The following NSMF variants were observed in gnomAD, a reference collection of about 807,000 sequenced individuals.
NSMF encodes nasal embryonic LHRH factor.
In NSMF, 31 loss-of-function variants were observed where a neutral mutation model predicts 71.0. The observed-to-expected ratio is 0.44, with a 90% CI of 0.33 to 0.59. The LOEUF (loss-of-function observed/expected upper bound fraction) is 0.59. Among genes scored for constraint, NSMF ranks in the 20% least tolerant of loss-of-function variants. The pLI is 0.04. For missense variants in NSMF, 673 were observed against 740.5 expected (o/e 0.91, Z 1.06); for synonymous variants, 345 against 287.1 (o/e 1.20, Z -2.04).
chr9:137,456,508 G>A lies in NSMF; in HGVS notation c.629-22C>T, dbSNP rs528113514. ...TCGTCTAAGAGAGACAAAAAGGAGC[G>A]GTGGCTGGGTGAAGTAGGGGTTCCT... On this transcript the variant is annotated intron_variant, in intron 3 of 15. Coordinates refer to ENST00000371475, the MANE Select transcript of NSMF (RefSeq NM_001130969.3). The A allele has an allele frequency of 8.4e-5, 129 of 1,539,442 alleles. 1 individual carries two copies. Among genetic ancestry groups the A allele is most frequent in the South Asian group, 7.2e-4 (64 of 89,466 alleles).
At position 137,457,994 on chromosome 9, in the gene NSMF, A is replaced by G. The variant is rs901051953; in HGVS notation, c.134-93T>C. ...CGAAGGCAGAGAACACCCAGTGGGC[A>G]CCTGGCCTCTGTGGGGGACTAGGGC... On this transcript the variant is annotated intron_variant, in intron 2 of 15. Coordinates refer to ENST00000371475, the MANE Select transcript of NSMF (RefSeq NM_001130969.3). 4.6e-6 allele frequency: 7 copies of G among 1,519,756 alleles called. No homozygotes were observed. In the African/African-American group the frequency reaches 9.6e-5, roughly 21 times the overall value. The allele number at this position is 1,519,756 out of a possible 1,614,324, so 94.1% of individuals were successfully genotyped here.
rs1399939611 is a variant in NSMF, at chr9:137,453,945, C to T, written c.833-125G>A. The stretch of plus-strand genomic sequence containing the variant: ...AAGCTAATGTGGGTGGGGTCTAAGG[C>T]ACATGAAGCAGACACGGACCAGAGG... On this transcript the variant is annotated intron_variant, in intron 7 of 15. Transcript: ENST00000371475. This position sits in a 1 kb window ranked among gnomAD's most constrained non-coding sequence, Gnocchi z 4.5. The T allele has an allele frequency of 4.1e-5, 32 of 777,472 alleles. No homozygotes were observed. In the East Asian group the frequency reaches 8.1e-4, roughly 20 times the overall value. The allele number at this position is 777,472 out of a possible 1,614,324, so 48.2% of individuals were successfully genotyped here. A position where few individuals can be genotyped will look rare whatever the true frequency, so the allele number is the denominator to read the frequency against.
In NSMF at chr9:137,457,534, G is replaced by A. The variant is rs776278488; in HGVS notation, c.501C>T (p.Cys167=). The change falls in exon 3 of 16, where the codon TGC becomes TGT. Residue 167 remains cysteine (C), a synonymous_variant. Transcript: ENST00000371475. ...CAGGAGCCAGCTGGGCACATCCGGG[G>A]CACTCCTTGGAGCCCTGGCGGCTGC... ...WAGSRQGSKE[C]PGCAQLAPGP... 2.5e-6 allele frequency: 4 copies of A among 1,605,204 alleles called. No individual in the cohort carries two copies. The South Asian group carries it at 3.3e-5, about 13-fold the overall frequency.
At chr9:137,455,687 A>T in intron 4 of NSMF, 53 bp from the exon 5 acceptor site, 2 of 1,548,636 alleles carry the variant, frequency 1.3e-6, no homozygotes, top group East Asian at 4.9e-5. Flanking sequence ...AGTGAGCTCA[A>T]CCCCGGGCCT....
chr9:137,457,623 G>A lies in NSMF; in HGVS notation c.412C>T (p.Pro138Ser). 1.3e-6 allele frequency: 2 copies of A among 1,550,704 alleles called. No homozygotes were observed. Among genetic ancestry groups the A allele is most frequent in the Non-Finnish European group, 1.7e-6 (2 of 1,147,094 alleles). Reference sequence around the variant, plus strand: ...CTGCCACCAGGGCTGGCGCGCAGGGGCTGGCTGTGATGGTGAGGGTGCCGC... The same window carrying A: ...CTGCCACCAGGGCTGGCGCGCAGGGACTGGCTGTGATGGTGAGGGTGCCGC... ...RQRHPHHHSQ[P>S]LRASPGGSRE... Residue 138 changes from proline to serine, a missense_variant, in exon 3 of 16, where the codon CCC (proline) becomes TCC (serine). Around this residue, in one of 2 missense-constraint regions of NSMF, gnomAD observed 471 missense variants for 459.6 expected, o/e 1.02. Transcript: ENST00000371475.
chr9:137,452,690 G>A, intron 10 of NSMF, 46 bp downstream of exon 10: 10 of 1,600,570 alleles, frequency 6.2e-6, no homozygotes, highest in Non-Finnish European at 8.5e-6. Flanking sequence ...CCAGGGTGGG[G>A]CCGCAAGAGG....
intron 4 of NSMF, among the ~76,000 whole-genome samples, 197 bp from the exon 5 acceptor site, chr9:137,455,831 G>A (rs912686274): frequency 6.6e-6 from 1 of 152,268 alleles, no homozygotes; most frequent in African/African-American, 2.4e-5. Context: ...GGAAGCTGAT[G>A]TCACTGCAGC....
At chr9:137,450,318 C>T in intron 12 of NSMF, 63 bp from the exon 13 acceptor site, 1 of 1,360,048 alleles carries the variant, frequency 7.4e-7, no homozygotes, top group Non-Finnish European at 1.1e-6. Flanking sequence ...ACACATGCAC[C>T]CACGCACATG....
chr9:137,453,548 G>A lies in NSMF; in HGVS notation c.922+183C>T. 1.6e-6 allele frequency: 1 copy of A among 617,720 alleles called. No individual in the cohort carries two copies. The allele number at this position is 617,720 out of a possible 1,614,324, so 38.3% of individuals were successfully genotyped here. A position where few individuals can be genotyped will look rare whatever the true frequency, so the allele number is the denominator to read the frequency against. On this transcript the variant is annotated intron_variant, in intron 8 of 15. Transcript: ENST00000371475. The surrounding 1 kb of genome is among the most constrained non-coding windows in gnomAD (Gnocchi z 4.5). ...GGCGCCCCCGGCCAGCACTGCCGCG[G>A]CCGTTGTTAGCCCCGCCTTTGCGAT...
rs1434355850 is a variant in NSMF, at chr9:137,455,165, G to A, written c.779+74C>T. ...CACCCTTCCCCCATCAGGTCTGCCA[G>A]GGCCGAGGGGGCCCAGGCCAGGCCA... On this transcript the variant is annotated intron_variant, in intron 6 of 15. Transcript: ENST00000371475. The A allele has an allele frequency of 8.5e-6, 13 of 1,525,062 alleles. No homozygotes were observed. The East Asian group carries it at 2.0e-4, about 24-fold the overall frequency. The allele number at this position is 1,525,062 out of a possible 1,614,324, so 94.5% of individuals were successfully genotyped here.
At chr9:137,458,988 G>A in intron 1 of NSMF, 44 bp downstream of exon 1, 1 of 1,260,950 alleles carries the variant, frequency 7.9e-7, no homozygotes, top group Non-Finnish European at 1.0e-6. Context: ...GGCGGGGTCG[G>A]AGGTCCAGGG....
Position 137,454,462 on chromosome 9 carries a change from G to A in NSMF, c.780-19C>T, listed in dbSNP as rs201299459. ...GAAGTTCCTGGGGGAGGAAGCCAGGGGCTGAAGAGGGCCGTGAGAGGGTGA... is the reference window on the plus strand; with the variant it reads ...GAAGTTCCTGGGGGAGGAAGCCAGGAGCTGAAGAGGGCCGTGAGAGGGTGA... On this transcript the variant is annotated intron_variant, in intron 6 of 15. Transcript: ENST00000371475. 8.5e-5 allele frequency: 131 copies of A among 1,550,150 alleles called. No homozygotes were observed. In the Admixed American group the frequency reaches 2.5e-3, roughly 30 times the overall value.
In NSMF at chr9:137,455,888, G is replaced by A. The variant is rs557058225; in HGVS notation, c.705-254C>T. Among the ~76,000 whole-genome samples, 121 of 152,376 alleles carry A rather than the reference G, an allele frequency of 7.9e-4. 1 individual carries two copies. Among genetic ancestry groups the A allele is most frequent in the Non-Finnish European group, 1.4e-3 (98 of 68,038 alleles). On this transcript the variant is annotated intron_variant, in intron 4 of 15. Transcript: ENST00000371475. ...CTGAGACCAGGCAGCCTGAGGCTGGGTGTGGGGTGGACTCCCCCGGGCAGG... is the reference window on the plus strand; with the variant it reads ...CTGAGACCAGGCAGCCTGAGGCTGGATGTGGGGTGGACTCCCCCGGGCAGG...
At position 137,453,819 on chromosome 9, in the gene NSMF, C is replaced by T; in HGVS notation, c.834G>A (p.Thr278=). The change falls in exon 8 of 16, where the codon ACG becomes ACA. Residue 278 remains threonine, a splice_region_variant and synonymous_variant. Transcript: ENST00000371475. The surrounding 1 kb of genome is among the most constrained non-coding windows in gnomAD (Gnocchi z 4.5). ...AGCTCCGCTCGCGCCGCTCAGCGAACGCTGCAGAGAGCAAAACCCGCATTA... is the reference window on the plus strand; with the variant it reads ...AGCTCCGCTCGCGCCGCTCAGCGAATGCTGCAGAGAGCAAAACCCGCATTA... ...MVGSRRVKAQ[T]FAERRERSFS... 2 of 1,587,914 alleles carry T rather than the reference C, an allele frequency of 1.3e-6. No individual in the cohort carries two copies. Among genetic ancestry groups the T allele is most frequent in the Non-Finnish European group, 1.7e-6 (2 of 1,174,206 alleles).
At chr9:137,456,324 G>A in intron 4 of NSMF, 87 bp downstream of exon 4, 2 of 1,099,608 alleles carry the variant, frequency 1.8e-6, no homozygotes, top group South Asian at 1.2e-5. Flanking sequence ...CCCCTGGTAG[G>A]CCCAGAGACT....
intron 1 of NSMF, 21 bp from the exon 2 acceptor site, chr9:137,458,570 C>G (rs1396301362): frequency 6.3e-7 from 1 of 1,580,132 alleles, no homozygotes; most frequent in South Asian, 1.1e-5. Context: ...ACAGAGGGCA[C>G]GGTCAGAGGC....
chr9:137,452,925 A>G lies in NSMF; in HGVS notation c.1048-106T>C, dbSNP rs1021454556. ...TCTGGCTGCCAGGCAGCCCAAGGGT[A>G]TAGCCCTGTGAGACACCCTCCCCCA... On this transcript the variant is annotated intron_variant, in intron 9 of 15. Coordinates refer to ENST00000371475, the MANE Select transcript of NSMF (RefSeq NM_001130969.3). 4 of 1,554,372 alleles carry G rather than the reference A, an allele frequency of 2.6e-6. No homozygotes were observed. The East Asian group carries it at 9.0e-5, about 35-fold the overall frequency.
Position 137,450,201 on chromosome 9 carries a change from C to T in NSMF, c.1291G>A (p.Val431Met). 6.2e-7 allele frequency: 1 copy of T among 1,613,520 alleles called. No individual in the cohort carries two copies. Among genetic ancestry groups the T allele is most frequent in the Non-Finnish European group, 8.5e-7 (1 of 1,179,876 alleles). The stretch of plus-strand genomic sequence containing the variant: ...TGAATCATGTCCTCTTCCTTCTCCA[C>T]TTTGGCAAAGGTGGCCACCTTGTTC... ...LKNKVATFAKVEKEEDMIHFW... is the reference protein window; with the variant it reads ...LKNKVATFAKMEKEEDMIHFW... The change falls in exon 13 of 16, where the codon GTG becomes ATG. Residue 431 changes from valine to methionine, a missense_variant. Physicochemically the swap from Val to Met is conservative, Grantham distance 21. Coordinates refer to ENST00000371475, the MANE Select transcript of NSMF (RefSeq NM_001130969.3).
Position 137,453,254 on chromosome 9 carries a change from C to G in NSMF, c.923-74G>C, listed in dbSNP as rs1258462914. The G allele has an allele frequency of 1.3e-6, 2 of 1,597,620 alleles. No individual in the cohort carries two copies. Among genetic ancestry groups the G allele is most frequent in the Non-Finnish European group, 1.7e-6 (2 of 1,175,356 alleles). ...ATCCTGGCCATGGCCCCAAGGCCCA[C>G]AGGGCCCGAAAGCCCCATCCCGGAG... is the stretch of plus-strand genomic sequence containing the variant. On this transcript the variant is annotated intron_variant, in intron 8 of 15. Transcript: ENST00000371475. The surrounding 1 kb of genome is among the most constrained non-coding windows in gnomAD (Gnocchi z 4.5).
Sources: allele counts gnomAD v4.1 joint callset (sites outside exome capture counted in the v4.1 genomes callset), GRCh38; gene constraint gnomAD v4.1.1; regional missense constraint gnomAD v4.1.1; non-coding constraint Gnocchi (gnomAD v3.1); transcripts MANE v1.5; gene names NCBI Gene and HGNC (gene_info 2026-07-23, HGNC 2026-07-21).